Variants in RAB1A observed in about 807,000 individuals in gnomAD.
The protein encoded by RAB1A is ras-related protein Rab-1A.
Under a neutral mutation model 26.0 loss-of-function variants are expected in RAB1A, and 2 were observed. That is an observed-to-expected ratio of 0.08 (90% CI 0.03 to 0.24). The LOEUF (loss-of-function observed/expected upper bound fraction) is 0.24, where lower values mean the gene tolerates loss of function less well. Among genes scored for constraint, RAB1A ranks in the 10% least tolerant of loss-of-function variants. RAB1A has a pLI of 1.00. For synonymous variants in RAB1A, 84 were observed against 84.9 expected, an observed-to-expected ratio of 0.99 and a Z score of 0.06; for missense variants, 100 against 247.0, an observed-to-expected ratio of 0.40 and a Z score of 3.99.
intron 3 of RAB1A, 52 bp downstream of exon 3, chr2:65,097,914 ATACAT>A: frequency 4.0e-6 from 4 of 993,922 alleles, no homozygotes; most frequent in Non-Finnish European, 6.0e-6. Flanking sequence ...CAAAATAACA[ATACAT>A]TACAAATTTA....
chr2:65,101,421 T>C (rs1669423787), intron 2 of RAB1A, among the ~76,000 whole-genome samples: 1 of 152,154 alleles, frequency 6.6e-6, no homozygotes, highest in Admixed American at 6.5e-5. Context: ...ATTTCTTTAT[T>C]ATAGTCCTCA....
At chr2:65,098,964 G>T (rs75263790) in intron 2 of RAB1A, among the ~76,000 whole-genome samples, 24,711 of 149,788 alleles carry the variant, frequency 0.16, 2,209 homozygotes, top group African/African-American at 0.23. Flanking sequence ...AGCCACCTGA[G>T]TAGTAGGGAC....
At chr2:65,110,685 C>T (rs1415703603) in intron 1 of RAB1A, among the ~76,000 whole-genome samples, 1 of 152,108 alleles carries the variant, frequency 6.6e-6, no homozygotes, top group Non-Finnish European at 1.5e-5. Flanking sequence ...GTAATTCCCA[C>T]CTACTTGTAA....
intron 3 of RAB1A, among the ~76,000 whole-genome samples, chr2:65,093,975 C>CTT (rs57541246): frequency 0.021 from 3,095 of 146,434 alleles, 39 homozygotes; most frequent in Non-Finnish European, 0.031. Context: ...AGACCCTCTT[C>CTT]TTTTTTTTTT....
intron 1 of RAB1A, among the ~76,000 whole-genome samples, chr2:65,121,979 T>C (rs533416480): frequency 1.7e-4 from 26 of 151,798 alleles, no homozygotes; most frequent in African/African-American, 6.3e-4. Context: ...GCCAACATGG[T>C]GAAACCCCAT....
At chr2:65,103,993 T>C (rs1360780204) in intron 2 of RAB1A, among the ~76,000 whole-genome samples, 2 of 152,100 alleles carry the variant, frequency 1.3e-5, no homozygotes, top group African/African-American at 4.8e-5. Context: ...TTAGCCAGGA[T>C]GGTCTCGATC....
rs183439571 is a variant in RAB1A, at chr2:65,089,378, T to C, written c.289-308A>G. 6.6e-4 allele frequency among the ~76,000 whole-genome samples: 99 copies of C among 149,212 alleles called. 1 individual carries two copies. In the Middle Eastern group the frequency reaches 0.01, roughly 15 times the overall value. On this transcript the variant is annotated intron_variant, in intron 4 of 5. Coordinates refer to ENST00000409784, the MANE Select transcript of RAB1A (RefSeq NM_004161.5). Reference sequence around the variant, plus strand: ...CAGGCACATGCCACCACACCTGTCTTTTTTTTTTTGGATTTTTTGTATAGA... The same window carrying C: ...CAGGCACATGCCACCACACCTGTCTCTTTTTTTTTGGATTTTTTGTATAGA...
intron 1 of RAB1A, among the ~76,000 whole-genome samples, chr2:65,114,877 A>G (rs1367484837): frequency 1.3e-5 from 2 of 149,004 alleles, no homozygotes. Context: ...AAAAAAAACC[A>G]GTTTAAGGAT....
At chr2:65,096,482 AC>A (rs1339309545) in intron 3 of RAB1A, among the ~76,000 whole-genome samples, 3 of 152,210 alleles carry the variant, frequency 2.0e-5, no homozygotes, top group Non-Finnish European at 4.4e-5. Flanking sequence ...ACACGAATAC[AC>A]ACCCAAATCT....
At chr2:65,126,119 T>C (rs2103889234) in intron 1 of RAB1A, among the ~76,000 whole-genome samples, 1 of 152,118 alleles carries the variant, frequency 6.6e-6, no homozygotes, top group East Asian at 1.9e-4. Context: ...ATCCACCTGC[T>C]TCAGCCTGAT....
intron 4 of RAB1A, among the ~76,000 whole-genome samples, chr2:65,090,193 A>G (rs971243564): frequency 6.6e-6 from 1 of 152,178 alleles, no homozygotes; most frequent in African/African-American, 2.4e-5. Flanking sequence ...TCTCCTGCAG[A>G]TATCACCCAC....
intron 1 of RAB1A, 104 bp downstream of exon 1, chr2:65,129,789 C>A: frequency 6.6e-7 from 1 of 1,524,780 alleles, no homozygotes; most frequent in Non-Finnish European, 8.9e-7. Flanking sequence ...ACCCTCGCCT[C>A]ACCCCAGCCG....
intron 1 of RAB1A, among the ~76,000 whole-genome samples, chr2:65,122,974 C>CAAAAAA (rs751246247): frequency 4.3e-4 from 15 of 34,598 alleles, no homozygotes; most frequent in African/African-American, 6.3e-4. Flanking sequence ...CCGTCTCAGA[C>CAAAAAA]AAAAAAAAAA....
intron 1 of RAB1A, among the ~76,000 whole-genome samples, chr2:65,120,727 G>A (rs1669944036): frequency 6.6e-6 from 1 of 152,064 alleles, no homozygotes; most frequent in Admixed American, 6.6e-5. Flanking sequence ...ATGGCTACAC[G>A]ACCATAAATG....
chr2:65,097,254 G>C (rs923404258), intron 3 of RAB1A, among the ~76,000 whole-genome samples: 5 of 152,130 alleles, frequency 3.3e-5, no homozygotes, highest in African/African-American at 1.2e-4. Flanking sequence ...CACACTGACA[G>C]GACTCAGACC....
At chr2:65,094,716 G>C (rs1013216580) in intron 3 of RAB1A, among the ~76,000 whole-genome samples, 1 of 152,190 alleles carries the variant, frequency 6.6e-6, no homozygotes, top group African/African-American at 2.4e-5. Context: ...ATGAGCCCTT[G>C]AAGTTCAAGA....
rs1456527200 is a variant in RAB1A, at chr2:65,088,073, CTA to C, written c.*418_*419del. ...ATCAGATCTTACATATAACATCTCA[CTA>C]AACTTTATGCATGGAAAGTGACAGA... On this transcript the variant is annotated 3_prime_UTR_variant, in exon 6 of 6. Transcript: ENST00000409784. 2 of 157,908 alleles carry C rather than the reference CTA, an allele frequency of 1.3e-5. No individual in the cohort carries two copies. The highest frequency in any genetic ancestry group is 4.8e-5 in the African/African-American group (2 of 41,638). The allele number at this position is 157,908 out of a possible 1,614,324, so 9.8% of individuals were successfully genotyped here.
At chr2:65,129,751 C>T (rs1670194330) in intron 1 of RAB1A, 142 bp downstream of exon 1, 1 of 1,379,290 alleles carries the variant, frequency 7.3e-7, no homozygotes, top group South Asian at 1.3e-5. Context: ...GGGCCCGACT[C>T]CCGGCCGCCA....
At chr2:65,100,152 A>G (rs536522295) in intron 2 of RAB1A, among the ~76,000 whole-genome samples, 2 of 152,272 alleles carry the variant, frequency 1.3e-5, no homozygotes, top group Admixed American at 1.3e-4. Context: ...CTGTAATACC[A>G]GCACTTTGGG....
Sources: allele counts gnomAD v4.1 joint callset (sites outside exome capture counted in the v4.1 genomes callset), GRCh38; gene constraint gnomAD v4.1.1; transcripts MANE v1.5; gene names NCBI Gene and HGNC (gene_info 2026-07-23, HGNC 2026-07-21).